HDAC9: variants seen among roughly 807,000 people sequenced by gnomAD.
HDAC9 encodes the protein MEF-2 interacting transcription repressor (MITR) protein.
In HDAC9, 41 loss-of-function variants were observed where a neutral mutation model predicts 139.4. The observed-to-expected ratio is 0.29, with a 90% CI of 0.23 to 0.38. HDAC9 has a LOEUF of 0.38. Among genes scored for constraint, HDAC9 ranks in the 10% least tolerant of loss-of-function variants. The pLI is 1.00. For synonymous variants in HDAC9, 517 were observed against 476.2 expected, an observed-to-expected ratio of 1.09 and a Z score of -1.12; for missense variants, 1,147 against 1,297.0, an observed-to-expected ratio of 0.88 and a Z score of 1.78.
At chr7:18,712,992 G>A (rs6946945) in intron 12 of HDAC9, among the ~76,000 whole-genome samples, 5,546 of 152,156 alleles carry the variant, frequency 0.036, 375 homozygotes, top group African/African-American at 0.13. Context: ...AAACCAAATT[G>A]TTAAGCCTTG....
chr7:18,372,186 G>A (rs577346502), intron 1 of HDAC9, among the ~76,000 whole-genome samples: 1 of 152,308 alleles, frequency 6.6e-6, no homozygotes, highest in African/African-American at 2.4e-5. Flanking sequence ...TGATTCCAAT[G>A]TGCAAGCCAA....
rs1365819884 is a variant in HDAC9 at position 19,001,181 on chromosome 7, T to A, written c.*5119T>A. ...TTGTGGAAAGAAAATTGTACATACA[T>A]TTCCTTGTCCTTTGGGAGATGTCTT... On this transcript the variant is annotated 3_prime_UTR_variant, in exon 26 of 26. Coordinates refer to ENST00000686413, the MANE Select transcript of HDAC9 (RefSeq NM_178425.4). 1 of 152,176 alleles carries A rather than the reference T, an allele frequency of 6.6e-6. No individual in the cohort carries two copies. The highest frequency in any genetic ancestry group is 2.4e-5 in the African/African-American group (1 of 41,454). 9.4% of individuals were successfully genotyped at this position (152,176 alleles called of 1,614,324 possible). A position where few individuals can be genotyped will look rare whatever the true frequency, so the allele number is the denominator to read the frequency against.
At chr7:18,161,107 T>G (rs559883863) in intron 1 of HDAC9, among the ~76,000 whole-genome samples, 1 of 152,312 alleles carries the variant, frequency 6.6e-6, no homozygotes, top group South Asian at 2.1e-4. Context: ...AATGTACATT[T>G]TAATTGTCAT....
At chr7:18,165,369 T>C (rs1178354) in intron 2 of HDAC9, among the ~76,000 whole-genome samples, 3,257 of 152,302 alleles carry the variant, frequency 0.021, 119 homozygotes, top group African/African-American at 0.075. Context: ...ACAGCACTAG[T>C]GTTTCATATT....
chr7:18,909,681 C>A lies in HDAC9; in HGVS notation c.2804-26128C>A, dbSNP rs1014715045. Among the ~76,000 whole-genome samples the A allele has an allele frequency of 3.9e-5, 6 of 151,912 alleles. No individual in the cohort carries two copies. The East Asian group carries it at 1.2e-3, about 29-fold the overall frequency. On this transcript the variant is annotated intron_variant, in intron 22 of 25. Coordinates refer to ENST00000686413, the MANE Select transcript of HDAC9 (RefSeq NM_178425.4). ...ATTCATTACATACTATGTGCAGGTT[C>A]ATTGCATGGATATATTGCATGATGC...
rs371716269 is a variant in HDAC9 at position 18,759,489 on chromosome 7, C to A, written c.2044-2668C>A. Among the ~76,000 whole-genome samples the A allele has an allele frequency of 5.3e-5, 8 of 151,992 alleles. No individual in the cohort carries two copies. In the South Asian group the frequency reaches 1.7e-3, roughly 32 times the overall value. On this transcript the variant is annotated intron_variant, in intron 14 of 25. Transcript: ENST00000686413. ...ACGATCTGTCACTGTCTCCTATCACCCCCAGAGGGGACCATCTAGTTGCAG... is the reference window on the plus strand; with the variant it reads ...ACGATCTGTCACTGTCTCCTATCACACCCAGAGGGGACCATCTAGTTGCAG...
At chr7:18,523,162 G>A (rs775927016) in intron 2 of HDAC9, among the ~76,000 whole-genome samples, 2 of 152,212 alleles carry the variant, frequency 1.3e-5, no homozygotes, top group African/African-American at 2.4e-5. Flanking sequence ...GCAGGAGACA[G>A]ATGATTAAGG....
In HDAC9 at chr7:18,712,778, A is replaced by G. The variant is rs568585656; in HGVS notation, c.1732-14802A>G. Among the ~76,000 whole-genome samples the G allele has an allele frequency of 1.4e-4, 21 of 152,334 alleles. No homozygotes were observed. In the South Asian group the frequency reaches 4.1e-3, roughly 30 times the overall value. On this transcript the variant is annotated intron_variant, in intron 12 of 25. Transcript: ENST00000686413. ...GTATAATTTTGAATAGCAATGTTTG[A>G]TACTTTACAAATTATAATAGCATGT...
chr7:18,824,078 G>GAAGAAGAAGAAA (rs1795217807), intron 17 of HDAC9, among the ~76,000 whole-genome samples: 1 of 150,670 alleles, frequency 6.6e-6, no homozygotes, highest in Non-Finnish European at 1.5e-5. Flanking sequence ...AGAAGAAGAA[G>GAAGAAGAAGAAA]AAGAAGAAGA....
chr7:18,143,043 A>G (rs909840501), intron 1 of HDAC9, among the ~76,000 whole-genome samples: 1 of 152,052 alleles, frequency 6.6e-6, no homozygotes, highest in South Asian at 2.1e-4. Flanking sequence ...ATCACTTTTG[A>G]TTTATAGTAA....
chr7:18,661,779 C>A (rs768725735), intron 11 of HDAC9, among the ~76,000 whole-genome samples: 2 of 152,188 alleles, frequency 1.3e-5, no homozygotes, highest in Non-Finnish European at 2.9e-5. Flanking sequence ...TGGCTTTTTT[C>A]TTCCCCATGT....
At chr7:18,765,258 C>G (rs1789727883) in intron 15 of HDAC9, among the ~76,000 whole-genome samples, 1 of 152,016 alleles carries the variant, frequency 6.6e-6, no homozygotes, top group African/African-American at 2.4e-5. Context: ...TTAAATAAAA[C>G]TCTCCCAAGT....
intron 17 of HDAC9, among the ~76,000 whole-genome samples, chr7:18,810,808 G>C (rs953664549): frequency 1.3e-5 from 2 of 151,748 alleles, no homozygotes; most frequent in African/African-American, 4.8e-5. Flanking sequence ...CACTTAAAAT[G>C]TTTACGTGAT....
intron 1 of HDAC9, among the ~76,000 whole-genome samples, chr7:18,313,223 A>G (rs1799430910): frequency 6.6e-6 from 1 of 152,146 alleles, no homozygotes; most frequent in African/African-American, 2.4e-5. Flanking sequence ...TGATAATTAT[A>G]TGAAAAATAG....
In HDAC9 at chr7:18,770,730, G is replaced by A. The variant is rs1219970706; in HGVS notation, c.2214+3575G>A. 2.0e-5 allele frequency among the ~76,000 whole-genome samples: 3 copies of A among 152,146 alleles called. No homozygotes were observed. In the East Asian group the frequency reaches 5.8e-4, roughly 29 times the overall value. On this transcript the variant is annotated intron_variant, in intron 16 of 25. Coordinates refer to ENST00000686413, the MANE Select transcript of HDAC9 (RefSeq NM_178425.4). ...GCGCTTCTTTTATGGCTCAGAGGAG[G>A]CAACTCCAATCACATCACTATTGGC...
intron 2 of HDAC9, among the ~76,000 whole-genome samples, chr7:18,254,265 T>C (rs568325286): frequency 2.9e-4 from 44 of 152,306 alleles, no homozygotes; most frequent in Admixed American, 5.2e-4. Context: ...TTGGACTAAA[T>C]GGAATAGTGT....
chr7:18,840,617 A>G lies in HDAC9; in HGVS notation c.2684+4620A>G, dbSNP rs564689147. Among the ~76,000 whole-genome samples, 340 of 152,222 alleles carry G rather than the reference A, an allele frequency of 2.2e-3. 2 individuals are homozygous for G. The highest frequency in any genetic ancestry group is 3.1e-3 in the Non-Finnish European group (210 of 67,978). On this transcript the variant is annotated intron_variant, in intron 21 of 25. Coordinates refer to ENST00000686413, the MANE Select transcript of HDAC9 (RefSeq NM_178425.4). ...TTTAGGCATTACTAAAATATTTTGG[A>G]CATATCATTAACTGGAATTTTTAGA...
chr7:18,868,550 C>T (rs536792366), intron 21 of HDAC9, among the ~76,000 whole-genome samples: 1 of 152,258 alleles, frequency 6.6e-6, no homozygotes, highest in Admixed American at 6.5e-5. Flanking sequence ...ATACCCATTT[C>T]CTCAGTGGAG....
rs199774083 is a variant in HDAC9 at position 18,195,988 on chromosome 7, CCTT to C, written c.25+33643_25+33645del. Among the ~76,000 whole-genome samples, 162 of 152,224 alleles carry C rather than the reference CCTT, an allele frequency of 1.1e-3. 3 individuals carry two copies. The East Asian group carries it at 0.024, about 23-fold the overall frequency. On this transcript the variant is annotated intron_variant, in intron 2 of 12. Coordinates refer to the HDAC9 transcript ENST00000417496. Reference sequence around the variant, plus strand: ...ATTGTACCAGGATAACCGATTTTCTCCTTCTTTTATATTCTCTATATTCTTTTA... The same window carrying C: ...ATTGTACCAGGATAACCGATTTTCTCCTTTTATATTCTCTATATTCTTTTA...
Sources: allele counts gnomAD v4.1 joint callset (sites outside exome capture counted in the v4.1 genomes callset), GRCh38; gene constraint gnomAD v4.1.1; transcripts MANE v1.5; gene names NCBI Gene and HGNC (gene_info 2026-07-23, HGNC 2026-07-21).